SMARCA2: variants seen among roughly 807,000 people sequenced by gnomAD.
SMARCA2 encodes the protein SWI/SNF related BAF chromatin remodeling complex subunit ATPase 2.
Under a neutral mutation model 199.8 loss-of-function variants are expected in SMARCA2, and 61 were observed. That is an observed-to-expected ratio of 0.31 (90% CI 0.25 to 0.38). SMARCA2 has a LOEUF of 0.38. Among genes scored for constraint, SMARCA2 ranks in the 10% least tolerant of loss-of-function variants. SMARCA2 has a pLI of 1.00. For missense variants in SMARCA2, 1,344 were observed against 2,012.2 expected (o/e 0.67, Z 6.35); for synonymous variants, 935 against 732.0 (o/e 1.28, Z -4.48).
At chr9:2,026,043 C>A (rs557176214) in intron 1 of SMARCA2, among the ~76,000 whole-genome samples, 1 of 152,294 alleles carries the variant, frequency 6.6e-6, no homozygotes, top group East Asian at 1.9e-4. Flanking sequence ...TTGAGATACT[C>A]CTATCCTGAG....
chr9:2,048,588 T>C (rs1819983654), intron 5 of SMARCA2, among the ~76,000 whole-genome samples: 1 of 152,234 alleles, frequency 6.6e-6, no homozygotes, highest in African/African-American at 2.4e-5. Context: ...ACTCATTTCT[T>C]ATCAGACTAA....
At chr9:2,092,923 C>T (rs527739944) in intron 19 of SMARCA2, among the ~76,000 whole-genome samples, 6 of 152,278 alleles carry the variant, frequency 3.9e-5, no homozygotes, top group Admixed American at 2.0e-4. Context: ...CAGACTCAAC[C>T]GAGTTGGAGT....
At chr9:2,065,702 T>G (rs1820810108) in intron 9 of SMARCA2, among the ~76,000 whole-genome samples, 1 of 152,096 alleles carries the variant, frequency 6.6e-6, no homozygotes, top group Non-Finnish European at 1.5e-5. Context: ...TTCTTCTCAT[T>G]TTTTTTAATC....
At chr9:2,188,266 G>C (rs1827630978) in intron 32 of SMARCA2, among the ~76,000 whole-genome samples, 1 of 152,062 alleles carries the variant, frequency 6.6e-6, no homozygotes, top group African/African-American at 2.4e-5. Flanking sequence ...TAATCAGGCT[G>C]TTTCCCAATA....
At chr9:2,167,399 C>G (rs114820317) in intron 28 of SMARCA2, among the ~76,000 whole-genome samples, 2,325 of 152,360 alleles carry the variant, frequency 0.015, 58 homozygotes, top group African/African-American at 0.054. Flanking sequence ...ACAATTCTTT[C>G]AGAAGCAGTC....
chr9:2,192,477 A>G (rs1008366470), intron 33 of SMARCA2: 35 of 563,106 alleles, frequency 6.2e-5, no homozygotes, highest in Non-Finnish European at 1.0e-4. Context: ...CACAAACAAT[A>G]GCTTAGAGGG....
intron 24 of SMARCA2, among the ~76,000 whole-genome samples, chr9:2,112,427 T>C (rs545702202): frequency 2.0e-5 from 3 of 152,058 alleles, no homozygotes; most frequent in African/African-American, 4.8e-5. Context: ...TAATTTAACA[T>C]GGAAAATAAC....
In SMARCA2 at chr9:2,087,126, G is replaced by A. The variant is rs759938824; in HGVS notation, c.2769+55G>A. 6 of 1,602,732 alleles carry A rather than the reference G, an allele frequency of 3.7e-6. No homozygotes were observed. In the Admixed American group the frequency reaches 5.1e-5, roughly 14 times the overall value. ...GCATGATAATGACATGAAATGAAAGGCCCTAAAGCTGAGAACATTAGAGCC... is the reference window on the plus strand; with the variant it reads ...GCATGATAATGACATGAAATGAAAGACCCTAAAGCTGAGAACATTAGAGCC... On this transcript the variant is annotated intron_variant, in intron 18 of 33. Transcript: ENST00000349721.
At position 2,073,238 on chromosome 9, in the gene SMARCA2, T is replaced by A; in HGVS notation, c.1773T>A (p.Ser591Arg). 1 of 1,614,144 alleles carries A rather than the reference T, an allele frequency of 6.2e-7. No individual in the cohort carries two copies. Among genetic ancestry groups the A allele is most frequent in the Non-Finnish European group, 8.5e-7 (1 of 1,180,026 alleles). Reference protein sequence around the residue: ...GEPIDESSQMSDLPVKVTHTE... With the variant: ...GEPIDESSQMRDLPVKVTHTE... Reference sequence around the variant, plus strand: ...CCATAGATGAGAGCAGCCAGATGAGTGACCTCCCTGTCAAAGTGACTCACA... The same window carrying A: ...CCATAGATGAGAGCAGCCAGATGAGAGACCTCCCTGTCAAAGTGACTCACA... The change falls in exon 11 of 34, where the codon AGT becomes AGA. Residue 591 changes from serine (S) to arginine (R), a missense_variant. Coordinates refer to ENST00000349721, the MANE Select transcript of SMARCA2 (RefSeq NM_003070.5).
intron 9 of SMARCA2, among the ~76,000 whole-genome samples, 188 bp from the exon 10 acceptor site, chr9:2,070,230 A>T (rs1430337480): frequency 6.6e-6 from 1 of 152,224 alleles, no homozygotes; most frequent in East Asian, 1.9e-4. Context: ...GTGACTCTCT[A>T]CAAGTTGCTA....
chr9:2,043,635 T>C (rs1819708371), intron 4 of SMARCA2: 1 of 152,260 alleles, frequency 6.6e-6, no homozygotes, highest in Admixed American at 6.5e-5. Flanking sequence ...CCTTAAATTC[T>C]TACTGAATGC....
rs377314165 is a variant in SMARCA2, at chr9:2,156,675, C to A, written c.3982-5011C>A. ...CAAACTCCCTACCTCAGGTGATTGACCTGCTTTGGCCTCCCAAAGTGCTGG... is the reference window on the plus strand; with the variant it reads ...CAAACTCCCTACCTCAGGTGATTGAACTGCTTTGGCCTCCCAAAGTGCTGG... On this transcript the variant is annotated intron_variant, in intron 27 of 33. Coordinates refer to ENST00000349721, the MANE Select transcript of SMARCA2 (RefSeq NM_003070.5). 1.2e-4 allele frequency among the ~76,000 whole-genome samples: 18 copies of A among 152,260 alleles called. No homozygotes were observed. The East Asian group carries it at 2.7e-3, about 23-fold the overall frequency.
At chr9:2,116,371 G>C (rs1018199193) in intron 25 of SMARCA2, among the ~76,000 whole-genome samples, 1 of 152,212 alleles carries the variant, frequency 6.6e-6, no homozygotes, top group Non-Finnish European at 1.5e-5. Flanking sequence ...GGATACTTTA[G>C]GGACAAAATC....
rs1822955315 is a variant in SMARCA2 at position 2,110,715 on chromosome 9, A to C, written c.3456+298A>C. 6.6e-6 allele frequency among the ~76,000 whole-genome samples: 1 copy of C among 152,228 alleles called. No homozygotes were observed. Among genetic ancestry groups the C allele is most frequent in the South Asian group, 2.1e-4 (1 of 4,830 alleles). On this transcript the variant is annotated intron_variant, in intron 24 of 33. Transcript: ENST00000349721. The surrounding 1 kb of genome is among the most constrained non-coding windows in gnomAD (Gnocchi z 4.8). ...ATATTTAATGAGGGATAAGTCAAAAATGTTGCAAAATCATAGCAGTAAGAA... is the reference window on the plus strand; with the variant it reads ...ATATTTAATGAGGGATAAGTCAAAACTGTTGCAAAATCATAGCAGTAAGAA...
chr9:2,160,238 T>C (rs1825595454), intron 27 of SMARCA2: 1 of 398,910 alleles, frequency 2.5e-6, no homozygotes, highest in Non-Finnish European at 4.5e-6. Context: ...CTTTTCCTTT[T>C]TCCTCATAAC....
At chr9:2,097,143 C>T (rs1414799899) in intron 20 of SMARCA2, 2 of 501,862 alleles carry the variant, frequency 4.0e-6, no homozygotes, top group Non-Finnish European at 7.1e-6. Context: ...AAAGCCATAT[C>T]CCTCACTGGA....
chr9:2,136,942 C>T (rs944043200), intron 27 of SMARCA2, among the ~76,000 whole-genome samples: 1 of 152,160 alleles, frequency 6.6e-6, no homozygotes, highest in African/African-American at 2.4e-5. Flanking sequence ...TCCTCAAACT[C>T]CCAGAGGAGG....
intron 27 of SMARCA2, among the ~76,000 whole-genome samples, chr9:2,145,744 T>G (rs1824708925): frequency 6.6e-6 from 1 of 152,280 alleles, no homozygotes; most frequent in Non-Finnish European, 1.5e-5. Flanking sequence ...CGTTCTCAAC[T>G]GTTTTTACAG....
chr9:2,070,434 C>G lies in SMARCA2; in HGVS notation c.1709C>G (p.Ala570Gly). The G allele has an allele frequency of 6.2e-7, 1 of 1,613,758 alleles. No homozygotes were observed. Among genetic ancestry groups the G allele is most frequent in the Non-Finnish European group, 8.5e-7 (1 of 1,179,774 alleles). Residue 570 changes from alanine to glycine, a missense_variant, in exon 10 of 34, where the codon GCA becomes GGA. By Grantham distance (60) the Ala-to-Gly change is moderately conservative (BLOSUM62 0). Around this residue, in one of 18 missense-constraint regions of SMARCA2, gnomAD observed 68 missense variants for 70.4 expected, o/e 0.97. Coordinates refer to ENST00000349721, the MANE Select transcript of SMARCA2 (RefSeq NM_003070.5). ...GTTTTGCAGAAGGCTGAGGAGAATG[C>G]AGAGGGTGGGGAGTCTGCCCTGGGA... is the stretch of plus-strand genomic sequence containing the variant. Reference protein sequence around the residue: ...RRRKKKAEENAEGGESALGPD... With the variant: ...RRRKKKAEENGEGGESALGPD...
Sources: allele counts gnomAD v4.1 joint callset (sites outside exome capture counted in the v4.1 genomes callset), GRCh38; gene constraint gnomAD v4.1.1; regional missense constraint gnomAD v4.1.1; non-coding constraint Gnocchi (gnomAD v3.1); transcripts MANE v1.5; gene names NCBI Gene and HGNC (gene_info 2026-07-23, HGNC 2026-07-21).